RBMS3: variants seen among roughly 807,000 people sequenced by gnomAD.
RBMS3 encodes the protein RNA binding motif single stranded interacting protein 3.
In RBMS3, 27 loss-of-function variants were observed where a neutral mutation model predicts 66.8. The observed-to-expected ratio is 0.40, with a 90% CI of 0.30 to 0.56. The LOEUF is 0.56. Among genes scored for constraint, RBMS3 ranks in the 20% least tolerant of loss-of-function variants. The pLI, the probability that RBMS3 is intolerant of heterozygous loss-of-function variation, is 0.40. For missense variants in RBMS3, 513 were observed against 549.5 expected, an observed-to-expected ratio of 0.93 and a Z score of 0.66; for synonymous variants, 188 against 183.0, an observed-to-expected ratio of 1.03 and a Z score of -0.22.
chr3:29,670,332 C>T (rs1019125517), intron 4 of RBMS3, among the ~76,000 whole-genome samples: 13 of 152,186 alleles, frequency 8.5e-5, no homozygotes, highest in African/African-American at 3.1e-4. Context: ...TAGCTCCCAG[C>T]ATGAGCGACG....
intron 12 of RBMS3, among the ~76,000 whole-genome samples, chr3:29,962,014 T>A: frequency 6.9e-6 from 1 of 145,800 alleles, no homozygotes; most frequent in South Asian, 2.1e-4. Context: ...ATTATATATT[T>A]TTATATATAT....
At chr3:29,944,153 TTTA>T in intron 11 of RBMS3, 51 bp from the exon 12 acceptor site, 1 of 1,492,090 alleles carries the variant, frequency 6.7e-7, no homozygotes, top group Non-Finnish European at 9.3e-7. Flanking sequence ...CTGATTCTAT[TTTA>T]TTTTCTTTTG....
intron 6 of RBMS3, among the ~76,000 whole-genome samples, chr3:29,779,565 A>ACAATTAC (rs1465070847): frequency 1.2e-4 from 18 of 151,510 alleles, no homozygotes; most frequent in African/African-American, 4.3e-4. Flanking sequence ...TCTTAAAAAA[A>ACAATTAC]CAATTACCAC....
At chr3:29,389,969 A>C (rs1283028190) in intron 1 of RBMS3, among the ~76,000 whole-genome samples, 1 of 152,144 alleles carries the variant, frequency 6.6e-6, no homozygotes, top group Non-Finnish European at 1.5e-5. Context: ...AGTGGTCACT[A>C]TACTTTATTT....
At chr3:29,402,923 G>A (rs13072846) in intron 1 of RBMS3, among the ~76,000 whole-genome samples, 43,321 of 151,514 alleles carry the variant, frequency 0.29, 7,391 homozygotes, top group Admixed American at 0.39. Flanking sequence ...GAGACAAAAA[G>A]CACAATGATC....
intron 12 of RBMS3, among the ~76,000 whole-genome samples, chr3:29,968,529 C>T (rs191752230): frequency 2.0e-5 from 3 of 152,322 alleles, no homozygotes; most frequent in East Asian, 1.9e-4. Context: ...CTGCTGCTTC[C>T]TCTATCCCTG....
intron 10 of RBMS3, among the ~76,000 whole-genome samples, chr3:29,916,395 T>G (rs920897985): frequency 6.6e-6 from 1 of 151,980 alleles, no homozygotes; most frequent in Admixed American, 6.6e-5. Flanking sequence ...ATATGCTTTT[T>G]CCCCCATTTT....
At chr3:29,412,482 T>C (rs2040305848) in intron 1 of RBMS3, among the ~76,000 whole-genome samples, 1 of 152,126 alleles carries the variant, frequency 6.6e-6, no homozygotes, top group African/African-American at 2.4e-5. Context: ...CATAGATACA[T>C]AAGGCAACAT....
chr3:29,650,235 T>C (rs1235018085), intron 4 of RBMS3, among the ~76,000 whole-genome samples: 1 of 151,830 alleles, frequency 6.6e-6, no homozygotes, highest in Non-Finnish European at 1.5e-5. Flanking sequence ...ATGAGATGCC[T>C]AGGCAATCTT....
At chr3:29,598,265 T>C (rs2149111594) in intron 4 of RBMS3, among the ~76,000 whole-genome samples, 1 of 152,194 alleles carries the variant, frequency 6.6e-6, no homozygotes, top group African/African-American at 2.4e-5. Flanking sequence ...AAAATATTGA[T>C]TTGCTAATGT....
intron 1 of RBMS3, among the ~76,000 whole-genome samples, chr3:29,368,793 A>G (rs1164440995): frequency 6.6e-6 from 1 of 152,138 alleles, no homozygotes; most frequent in Non-Finnish European, 1.5e-5. Context: ...AAAGAGAAAT[A>G]CCATTCGACC....
rs568289572 is a variant in RBMS3, at chr3:30,000,318, G to A, written c.1308-3538G>A. ...CATCACCACTGATTATCAGAGAAAT[G>A]CAAATCAAAACCACAATGAGATACC... On this transcript the variant is annotated intron_variant, in intron 14 of 14. Transcript: ENST00000383767. Among the ~76,000 whole-genome samples the A allele has an allele frequency of 3.9e-5, 6 of 152,264 alleles. No homozygotes were observed. In the South Asian group the frequency reaches 1.2e-3, roughly 32 times the overall value.
At chr3:29,290,622 C>T (rs1297450322) in intron 1 of RBMS3, 1 of 151,780 alleles carries the variant, frequency 6.6e-6, no homozygotes, top group African/African-American at 2.4e-5. Context: ...TTCTGATGTC[C>T]TTTTCTCAAT....
At chr3:29,475,096 T>C (rs1463011181) in intron 2 of RBMS3, among the ~76,000 whole-genome samples, 1 of 152,148 alleles carries the variant, frequency 6.6e-6, no homozygotes, top group African/African-American at 2.4e-5. Flanking sequence ...GTGATACATA[T>C]GGTAATGAAA....
intron 3 of RBMS3, among the ~76,000 whole-genome samples, chr3:29,574,376 T>A (rs1026769409): frequency 1.3e-5 from 2 of 152,164 alleles, no homozygotes; most frequent in Non-Finnish European, 2.9e-5. Flanking sequence ...TAAGTGTAGA[T>A]ACACCTGCTG....
rs879906468 is a variant in RBMS3 at position 29,450,892 on chromosome 3, AAC to A, written c.248+15983_248+15984del. 3.5e-4 allele frequency among the ~76,000 whole-genome samples: 48 copies of A among 138,840 alleles called. No homozygotes were observed. In the Middle Eastern group the frequency reaches 0.011, roughly 32 times the overall value. 91.1% of individuals were successfully genotyped at this position (138,840 alleles called of 152,430 possible). A position where few individuals can be genotyped will look rare whatever the true frequency, so the allele number is the denominator to read the frequency against. On this transcript the variant is annotated intron_variant, in intron 2 of 14. Coordinates refer to ENST00000383767, the MANE Select transcript of RBMS3 (RefSeq NM_001003793.3). ...CCACCAGCACGTAACAGTCTACCTC[AAC>A]ACACAGATACACACACACACACACA...
intron 1 of RBMS3, among the ~76,000 whole-genome samples, chr3:29,399,216 T>A (rs2039693335): frequency 6.9e-6 from 1 of 145,570 alleles, no homozygotes; most frequent in African/African-American, 2.6e-5. Context: ...CATGTGTGTG[T>A]GTGTGTATAT....
chr3:29,394,757 C>T (rs779144177), intron 1 of RBMS3, among the ~76,000 whole-genome samples: 43 of 152,166 alleles, frequency 2.8e-4, no homozygotes, highest in Non-Finnish European at 4.0e-4. Flanking sequence ...CTCTAAGGCC[C>T]TCTGTGATCT....
At position 29,416,648 on chromosome 3, in the gene RBMS3, T is replaced by A. The variant is rs189565910; in HGVS notation, c.76-18095T>A. On this transcript the variant is annotated intron_variant, in intron 1 of 14. Coordinates refer to ENST00000383767, the MANE Select transcript of RBMS3 (RefSeq NM_001003793.3). ...TCAATAGGATCCATCTTTGTGTTAT[T>A]GCTAGCTGTTTTGTGGTCTGAATGG... Among the ~76,000 whole-genome samples the A allele has an allele frequency of 2.0e-5, 3 of 152,228 alleles. No individual in the cohort carries two copies. In the East Asian group the frequency reaches 5.8e-4, roughly 29 times the overall value.
Sources: allele counts gnomAD v4.1 joint callset (sites outside exome capture counted in the v4.1 genomes callset), GRCh38; gene constraint gnomAD v4.1.1; transcripts MANE v1.5; gene names NCBI Gene and HGNC (gene_info 2026-07-23, HGNC 2026-07-21).